The following PDE3B variants were observed in gnomAD, a reference collection of about 807,000 sequenced individuals.
PDE3B encodes cGMP-inhibited 3',5'-cyclic phosphodiesterase 3B.
In PDE3B, 66 loss-of-function variants were observed where a neutral mutation model predicts 116.8. The observed-to-expected ratio is 0.56, with a 90% CI of 0.46 to 0.69. PDE3B has a LOEUF of 0.69. PDE3B is among the 30% of genes least tolerant of loss of function. The pLI is 0.00. For synonymous variants in PDE3B, 595 were observed against 533.6 expected, an observed-to-expected ratio of 1.12 and a Z score of -1.59; for missense variants, 1,384 against 1,368.1, an observed-to-expected ratio of 1.01 and a Z score of -0.18.
At chr11:14,678,641 G>C (rs1193025105) in intron 1 of PDE3B, among the ~76,000 whole-genome samples, 1 of 151,970 alleles carries the variant, frequency 6.6e-6, no homozygotes, top group Non-Finnish European at 1.5e-5. Context: ...TATCATCTTT[G>C]GTTAAGTGGA....
intron 6 of PDE3B, among the ~76,000 whole-genome samples, 170 bp downstream of exon 6, chr11:14,818,563 C>T (rs967331803): frequency 6.6e-6 from 1 of 152,064 alleles, no homozygotes; most frequent in Non-Finnish European, 1.5e-5. Context: ...AGTTGTTTCA[C>T]TTAAAATGTC....
At chr11:14,689,373 C>A (rs923300313) in intron 1 of PDE3B, among the ~76,000 whole-genome samples, 1 of 151,988 alleles carries the variant, frequency 6.6e-6, no homozygotes, top group Non-Finnish European at 1.5e-5. Flanking sequence ...TAGAGTTATA[C>A]TCTAGAAGTT....
At chr11:14,745,464 G>A (rs1156584820) in intron 1 of PDE3B, among the ~76,000 whole-genome samples, 3 of 151,348 alleles carry the variant, frequency 2.0e-5, no homozygotes, top group Non-Finnish European at 4.4e-5. Flanking sequence ...TCTTGTTCCT[G>A]TTGTGGATCA....
intron 2 of PDE3B, among the ~76,000 whole-genome samples, chr11:14,779,325 A>G (rs529469586): frequency 2.6e-5 from 4 of 152,310 alleles, no homozygotes; most frequent in African/African-American, 9.6e-5. Context: ...GAACACCACA[A>G]AGATACTCCT....
intron 11 of PDE3B, among the ~76,000 whole-genome samples, chr11:14,842,354 T>C (rs1349533247): frequency 6.6e-6 from 1 of 152,230 alleles, no homozygotes; most frequent in African/African-American, 2.4e-5. Context: ...GATCCTAATA[T>C]ATAAATTCCA....
intron 1 of PDE3B, among the ~76,000 whole-genome samples, chr11:14,754,810 C>T (rs1380483734): frequency 6.6e-6 from 1 of 152,044 alleles, no homozygotes; most frequent in Non-Finnish European, 1.5e-5. Flanking sequence ...TTATGAATGT[C>T]GCCATTATCT....
chr11:14,676,201 G>T (rs1235761478), intron 1 of PDE3B, among the ~76,000 whole-genome samples: 1 of 152,106 alleles, frequency 6.6e-6, no homozygotes, highest in Non-Finnish European at 1.5e-5. Context: ...TTACTGGTTT[G>T]TAGTTGTTTT....
chr11:14,667,359 C>G (rs960792584), intron 1 of PDE3B, among the ~76,000 whole-genome samples: 2 of 151,322 alleles, frequency 1.3e-5, no homozygotes, highest in African/African-American at 4.9e-5. Context: ...GAGTGCAGCA[C>G]ACCAGCATGG....
At chr11:14,853,475 C>G (rs1313677638) in intron 12 of PDE3B, among the ~76,000 whole-genome samples, 1 of 152,080 alleles carries the variant, frequency 6.6e-6, no homozygotes, top group East Asian at 1.9e-4. Context: ...CCCAAAGTAA[C>G]GAAGTTTATG....
At chr11:14,878,150 G>C in the PDE3B span, 2 of 1,613,160 alleles carry the variant, frequency 1.2e-6, no homozygotes, top group Non-Finnish European at 8.5e-7. Flanking sequence ...GATGAGGTAG[G>C]GTTGGGGCTG....
At chr11:14,664,521 A>G (rs1469969304) in intron 1 of PDE3B, among the ~76,000 whole-genome samples, 1 of 128,852 alleles carries the variant, frequency 7.8e-6, no homozygotes, top group East Asian at 2.3e-4. Flanking sequence ...GACCGCTAAC[A>G]AGACTAATAA....
At chr11:14,698,356 T>A (rs909581900) in intron 1 of PDE3B, among the ~76,000 whole-genome samples, 1 of 151,918 alleles carries the variant, frequency 6.6e-6, no homozygotes, top group Admixed American at 6.6e-5. Context: ...TTTAAAAAAA[T>A]TTTAATTTCT....
intron 1 of PDE3B, among the ~76,000 whole-genome samples, chr11:14,659,285 C>T (rs1190011918): frequency 6.6e-6 from 1 of 152,150 alleles, no homozygotes; most frequent in African/African-American, 2.4e-5. Flanking sequence ...TTTGACATTA[C>T]TTTTTCAGAT....
chr11:14,690,269 TG>T (rs1855007919), intron 1 of PDE3B, among the ~76,000 whole-genome samples: 1 of 152,216 alleles, frequency 6.6e-6, no homozygotes, highest in Admixed American at 6.5e-5. Context: ...AGAAAATATA[TG>T]AGTTTCTCTA....
intron 1 of PDE3B, among the ~76,000 whole-genome samples, chr11:14,743,245 A>G (rs1291779324): frequency 6.6e-6 from 1 of 152,146 alleles, no homozygotes; most frequent in Non-Finnish European, 1.5e-5. Flanking sequence ...CCTTTATTTC[A>G]GAGATACCCT....
chr11:14,702,350 A>C (rs1299522072), intron 1 of PDE3B, among the ~76,000 whole-genome samples: 1 of 151,744 alleles, frequency 6.6e-6, no homozygotes, highest in Non-Finnish European at 1.5e-5. Flanking sequence ...CTTTTGGCAC[A>C]TTTTGGTCTT....
In PDE3B at chr11:14,843,991, A is replaced by T; in HGVS notation, c.2485A>T (p.Thr829Ser). ...AMHDYDHPGR[T>S]NAFLVATNAP... The stretch of plus-strand genomic sequence containing the variant: ...GCATGATTATGATCACCCAGGGAGG[A>T]CAAATGCATTTCTAGTGGCTACAAA... The change falls in exon 12 of 16, where the codon ACA (threonine) becomes TCA (serine). Residue 829 changes from threonine (T) to serine (S), a missense_variant. By Grantham distance (58) the Thr-to-Ser change is moderately conservative (BLOSUM62 1). Around this residue, in one of 2 missense-constraint regions of PDE3B, gnomAD observed 428 missense variants for 561.4 expected, o/e 0.76. Transcript: ENST00000282096. 1 of 1,614,118 alleles carries T rather than the reference A, an allele frequency of 6.2e-7. No homozygotes were observed. The highest frequency in any genetic ancestry group is 8.5e-7 in the Non-Finnish European group (1 of 1,179,980).
chr11:14,645,868 T>C (rs999371432), intron 1 of PDE3B, among the ~76,000 whole-genome samples: 12 of 152,194 alleles, frequency 7.9e-5, no homozygotes, highest in African/African-American at 2.7e-4. Context: ...CCAAGAAACT[T>C]AATAAGTATA....
intron 14 of PDE3B, among the ~76,000 whole-genome samples, chr11:14,864,603 C>T (rs984296535): frequency 6.6e-6 from 1 of 152,224 alleles, no homozygotes; most frequent in Non-Finnish European, 1.5e-5. Context: ...AACAGTCTCT[C>T]AGACCACAGT....
Sources: gnomAD v4.1 joint callset for allele counts (sites outside exome capture counted in the v4.1 genomes callset) on GRCh38, gnomAD v4.1.1 for gene constraint, gnomAD v4.1.1 regional missense constraint, MANE v1.5 for transcripts, NCBI Gene and HGNC (gene_info 2026-07-23, HGNC 2026-07-21) for gene names.